The following CERS5 variants were observed in gnomAD, a reference collection of about 807,000 sequenced individuals.
CERS5 encodes ceramide synthase 5, also known as LAG1 homolog, ceramide synthase 5.
CERS5 carries 37 observed loss-of-function variants against 58.9 expected under a neutral mutation model. The observed-to-expected ratio is 0.63, with a 90% confidence interval of 0.48 to 0.83. CERS5 has a LOEUF of 0.83. Ranked by LOEUF, CERS5 falls within the 40% of genes least tolerant of loss-of-function variation. CERS5 has a pLI of 0.00. For missense variants in CERS5, 398 were observed against 489.3 expected (o/e 0.81, Z 1.76); for synonymous variants, 147 against 177.8 (o/e 0.83, Z 1.38).
rs751998826 is a variant in CERS5 at position 50,138,600 on chromosome 12, G to A, written c.510C>T (p.Asp170=). 3.7e-6 allele frequency: 6 copies of A among 1,613,752 alleles called. No homozygotes were observed. The Middle Eastern group carries it at 5.0e-4, about 133-fold the overall frequency. The stretch of plus-strand genomic sequence containing the variant: ...GATAGTTATGCCAGCACTGTCGGAT[G>A]TCCCAGAACCAAGGTGACTAAGAGA... ...RFLWSSPWFW[D]IRQCWHNYPF... is the part of the protein sequence containing the mutation. Residue 170 remains aspartate (D), a synonymous_variant, in exon 5 of 10, where the codon GAC becomes GAT. Transcript: ENST00000317551.
At chr12:50,159,892 G>C (rs1201959167) in intron 1 of CERS5, among the ~76,000 whole-genome samples, 1 of 152,054 alleles carries the variant, frequency 6.6e-6, no homozygotes, top group Non-Finnish European at 1.5e-5. Flanking sequence ...TGCCCAGCCT[G>C]TAATTTAAAA....
intron 1 of CERS5, among the ~76,000 whole-genome samples, chr12:50,157,621 C>T (rs750345977): frequency 1.3e-5 from 2 of 151,960 alleles, no homozygotes; most frequent in African/African-American, 4.8e-5. Flanking sequence ...CAGCTGTGAC[C>T]TGACAAACAT....
chr12:50,136,989 A>G (rs1951728653), intron 6 of CERS5, among the ~76,000 whole-genome samples: 1 of 152,216 alleles, frequency 6.6e-6, no homozygotes, highest in South Asian at 2.1e-4. Context: ...ATAAAAATTG[A>G]GTATCAAGTT....
intron 5 of CERS5, among the ~76,000 whole-genome samples, 160 bp from the exon 6 acceptor site, chr12:50,137,980 T>A (rs1284075765): frequency 6.6e-6 from 1 of 152,218 alleles, no homozygotes; most frequent in Non-Finnish European, 1.5e-5. Flanking sequence ...TTTGGATTGG[T>A]GTAGAGACTT....
rs766247695 is a variant in CERS5, at chr12:50,143,964, T to C, written c.291A>G (p.Ile97Met). ...TTTGCCCACTTACCTTGGTAATAGA[T>C]ATGAACACCTTTTCAAGGATGGCAT... ...QPNAILEKVF[I>M]SITKYPDKKR... is the part of the protein sequence containing the mutation. Residue 97 changes from isoleucine (I) to methionine (M), a missense_variant, in exon 2 of 10, where the codon ATA becomes ATG. By Grantham distance (10) the Ile-to-Met change is conservative (BLOSUM62 1). Transcript: ENST00000317551. 25 of 1,600,898 alleles carry C rather than the reference T, an allele frequency of 1.6e-5. No homozygotes were observed. The highest frequency in any genetic ancestry group is 2.1e-5 in the Non-Finnish European group (24 of 1,168,232).
chr12:50,161,869 C>CTTTTTTTTT (rs765766688), intron 1 of CERS5, among the ~76,000 whole-genome samples: 3 of 67,306 alleles, frequency 4.5e-5, no homozygotes, highest in Non-Finnish European at 7.4e-5. Flanking sequence ...TGTTCTTCTT[C>CTTTTTTTTT]TTTTTTTTTT....
chr12:50,158,919 AC>A (rs1333677631), intron 1 of CERS5, among the ~76,000 whole-genome samples: 1 of 152,200 alleles, frequency 6.6e-6, no homozygotes, highest in African/African-American at 2.4e-5. Context: ...TTCTGCATGG[AC>A]ATTTACCTAC....
chr12:50,151,889 A>G (rs1204239971), intron 1 of CERS5, among the ~76,000 whole-genome samples: 3 of 152,130 alleles, frequency 2.0e-5, no homozygotes, highest in Non-Finnish European at 4.4e-5. Context: ...TAGTGGATTC[A>G]CCCACCTCGG....
chr12:50,137,946 C>T (rs1054669989), intron 5 of CERS5, 126 bp from the exon 6 acceptor site: 6 of 655,694 alleles, frequency 9.2e-6, no homozygotes, highest in Non-Finnish European at 1.4e-5. Flanking sequence ...CATTATCTGC[C>T]AAGATATGCA....
At chr12:50,155,073 G>A (rs1217082630) in intron 1 of CERS5, among the ~76,000 whole-genome samples, 3 of 151,998 alleles carry the variant, frequency 2.0e-5, no homozygotes, top group African/African-American at 7.2e-5. Context: ...GGCCAGGCTG[G>A]TCTTGAACTC....
chr12:50,167,343 G>A lies in CERS5; in HGVS notation c.-46C>T, dbSNP rs762353022. Reference sequence around the variant, plus strand: ...ACCGCCGCCACAAGCGTCAGCTGCCGCCACAGCCAACGGAACCCGCGGGGA... The same window carrying A: ...ACCGCCGCCACAAGCGTCAGCTGCCACCACAGCCAACGGAACCCGCGGGGA... On this transcript the variant is annotated 5_prime_UTR_variant, in exon 1 of 10. Coordinates refer to ENST00000317551, the MANE Select transcript of CERS5 (RefSeq NM_147190.5). 13 of 1,461,328 alleles carry A rather than the reference G, an allele frequency of 8.9e-6. No homozygotes were observed. The highest frequency in any genetic ancestry group is 1.5e-5 in the African/African-American group (1 of 67,270). The allele number at this position is 1,461,328 out of a possible 1,614,324, so 90.5% of individuals were successfully genotyped here.
rs750822880 is a variant in CERS5, at chr12:50,138,630, A to C, written c.493-13T>G. On this transcript the variant is annotated splice_polypyrimidine_tract_variant and intron_variant, in intron 4 of 9. Transcript: ENST00000317551. Reference sequence around the variant, plus strand: ...AGAACCAAGGTGACTAAGAGAAAACAGATAATCCATGTCAGTCCTCAAGAT... The same window carrying C: ...AGAACCAAGGTGACTAAGAGAAAACCGATAATCCATGTCAGTCCTCAAGAT... 15 of 1,610,726 alleles carry C rather than the reference A, an allele frequency of 9.3e-6. No homozygotes were observed. The South Asian group carries it at 1.6e-4, about 18-fold the overall frequency.
Position 50,137,836 on chromosome 12 carries a change from A to T in CERS5, c.544-16T>A, listed in dbSNP as rs558765035. 8.7e-5 allele frequency: 134 copies of T among 1,533,920 alleles called. 1 individual carries two copies. Among genetic ancestry groups the T allele is most frequent in the South Asian group, 7.8e-4 (69 of 88,644 alleles). On this transcript the variant is annotated splice_polypyrimidine_tract_variant and intron_variant, in intron 5 of 9. Coordinates refer to ENST00000317551, the MANE Select transcript of CERS5 (RefSeq NM_147190.5). The stretch of plus-strand genomic sequence containing the variant: ...TTGAAAGAGGCTGGAAGAGAGAAAG[A>T]AGTAGTTAGATTACCGGCTAGTCAA...
chr12:50,134,117 A>T (rs1032385630), intron 9 of CERS5: 1 of 180,202 alleles, frequency 5.5e-6, no homozygotes, highest in African/African-American at 2.6e-5. Context: ...GTGGTGGCTC[A>T]CACCTGTAAT....
chr12:50,147,390 G>C (rs1472758684), intron 1 of CERS5: 2 of 135,288 alleles, frequency 1.5e-5, no homozygotes, highest in African/African-American at 2.8e-5. Context: ...CTGGGTAACA[G>C]AGCGAGACTC....
intron 1 of CERS5, among the ~76,000 whole-genome samples, chr12:50,157,079 G>A (rs981401268): frequency 4.6e-5 from 7 of 152,250 alleles, no homozygotes; most frequent in African/African-American, 1.7e-4. Context: ...ATGGCAAGAG[G>A]CAGAAAAACG....
chr12:50,138,514 A>G, intron 5 of CERS5, 53 bp downstream of exon 5: 3 of 1,468,974 alleles, frequency 2.0e-6, no homozygotes, highest in African/African-American at 1.4e-5. Flanking sequence ...ACCCTCACTC[A>G]CTCCACCTTA....
intron 9 of CERS5, chr12:50,133,563 T>C: frequency 1.0e-6 from 1 of 987,114 alleles, no homozygotes; most frequent in South Asian, 4.7e-5. Flanking sequence ...TCTGCTTTTA[T>C]ACAGTTTATA....
chr12:50,159,482 T>C (rs1939033331), intron 1 of CERS5, among the ~76,000 whole-genome samples: 1 of 152,220 alleles, frequency 6.6e-6, no homozygotes, highest in South Asian at 2.1e-4. Context: ...CTAAAAAGTG[T>C]ATCAAATGTG....
Sources: gnomAD v4.1 joint callset for allele counts (sites outside exome capture counted in the v4.1 genomes callset) on GRCh38, gnomAD v4.1.1 for gene constraint, MANE v1.5 for transcripts, NCBI Gene and HGNC (gene_info 2026-07-23, HGNC 2026-07-21) for gene names.